The following PCDHA5 variants were observed in gnomAD, a reference collection of about 807,000 sequenced individuals.
PCDHA5 encodes protocadherin alpha-5.
Under a neutral mutation model 61.6 loss-of-function variants are expected in PCDHA5, and 43 were observed. That is an observed-to-expected ratio of 0.70 (90% CI 0.55 to 0.90). PCDHA5 has a LOEUF of 0.90. PCDHA5 is among the 40% of genes least tolerant of loss of function. The pLI is 0.00. For synonymous variants in PCDHA5, 627 were observed against 543.9 expected (o/e 1.15, Z -2.13); for missense variants, 1,298 against 1,222.7 (o/e 1.06, Z -0.92).
intron 1 of PCDHA5, chr5:140,855,996 A>G (rs2150345731): frequency 6.7e-7 from 1 of 1,503,004 alleles, no homozygotes; most frequent in Non-Finnish European, 9.0e-7. Flanking sequence ...GTCAGATCGT[A>G]TGTGCGTTCT....
rs1767597632 is a variant in PCDHA5 at position 140,823,194 on chromosome 5, C to A, written c.1419C>A (p.Ile473=). Reference sequence around the variant, plus strand: ...AGAACAACCCGCCAGGCTGCCACATCTTCACGGTGTCTGCACGGGACGCGG... The same window carrying A: ...AGAACAACCCGCCAGGCTGCCACATATTCACGGTGTCTGCACGGGACGCGG... The part of the protein sequence containing the change: ...VKENNPPGCH[I]FTVSARDADA... The change falls in exon 1 of 4, where the codon ATC becomes ATA. Residue 473 remains isoleucine, a synonymous_variant. Coordinates refer to ENST00000529859, the MANE Select transcript of PCDHA5 (RefSeq NM_018908.3). 6.2e-7 allele frequency: 1 copy of A among 1,613,896 alleles called. No homozygotes were observed. Among genetic ancestry groups the A allele is most frequent in the Non-Finnish European group, 8.5e-7 (1 of 1,179,846 alleles).
chr5:140,929,566 C>A, intron 1 of PCDHA5: 2 of 459,566 alleles, frequency 4.4e-6, no homozygotes, highest in Admixed American at 4.2e-5. Flanking sequence ...TATTTAAGAA[C>A]AATAAAAGTA....
chr5:140,922,647 A>G (rs568444047), intron 1 of PCDHA5, among the ~76,000 whole-genome samples: 35 of 152,262 alleles, frequency 2.3e-4, no homozygotes, highest in Non-Finnish European at 4.6e-4. Context: ...ATCAAACAGT[A>G]AATATGGCTA....
chr5:140,928,084 C>T (rs782346696), intron 1 of PCDHA5: 2 of 1,614,232 alleles, frequency 1.2e-6, no homozygotes, highest in Non-Finnish European at 1.7e-6. Context: ...CTACAGCCTG[C>T]TGATTGATGG....
At chr5:140,905,627 G>A (rs1233983487) in intron 1 of PCDHA5, among the ~76,000 whole-genome samples, 1 of 152,150 alleles carries the variant, frequency 6.6e-6, no homozygotes, top group African/African-American at 2.4e-5. Context: ...GCTTTTGACA[G>A]TATGGTCAGT....
chr5:141,001,360 A>G (rs1432580617), intron 3 of PCDHA5, among the ~76,000 whole-genome samples: 2 of 152,212 alleles, frequency 1.3e-5, no homozygotes, highest in Non-Finnish European at 2.9e-5. Flanking sequence ...GTTTAAGCCT[A>G]CTATTCTGAT....
At chr5:140,830,281 C>A (rs2150184212) in intron 1 of PCDHA5, 1 of 1,613,822 alleles carries the variant, frequency 6.2e-7, no homozygotes, top group Non-Finnish European at 8.5e-7. Flanking sequence ...CCACCGAGGG[C>A]GCGTGCACGG....
chr5:140,881,458 G>C (rs2058720447), intron 1 of PCDHA5: 1 of 671,966 alleles, frequency 1.5e-6, no homozygotes, highest in Non-Finnish European at 1.8e-6. Context: ...CAAAACCTTA[G>C]AGCATTGTTG....
chr5:140,930,766 T>C (rs1476506441), intron 1 of PCDHA5, among the ~76,000 whole-genome samples: 1 of 152,240 alleles, frequency 6.6e-6, no homozygotes, highest in Admixed American at 6.5e-5. Context: ...AAATTTTCTG[T>C]ACTTAATATT....
rs1432987823 is a variant in PCDHA5, at chr5:140,905,869, AAGGCCCAACAAT to A, written c.2353-73074_2353-73063del. ...AAGGAGTATTAACTCACACAATCAC[AAGGCCCAACAAT>A]AGGCCATCTGCAAGCTGAGGAGCAA... On this transcript the variant is annotated intron_variant, in intron 1 of 3. Coordinates refer to ENST00000529859, the MANE Select transcript of PCDHA5 (RefSeq NM_018908.3). 1.1e-4 allele frequency among the ~76,000 whole-genome samples: 17 copies of A among 152,326 alleles called. No individual in the cohort carries two copies. In the South Asian group the frequency reaches 3.5e-3, roughly 32 times the overall value.
intron 1 of PCDHA5, among the ~76,000 whole-genome samples, chr5:140,845,833 T>G (rs1323820046): frequency 2.0e-5 from 3 of 149,812 alleles, no homozygotes; most frequent in Non-Finnish European, 4.5e-5. Context: ...GTTATTACCA[T>G]TCTTAAGAGA....
At position 140,823,434 on chromosome 5, in the gene PCDHA5, C is replaced by G; in HGVS notation, c.1659C>G (p.Phe553Leu). Reference sequence around the variant, plus strand: ...GCAGCAACGTGACGCTGCAGGTGTTCGTGCTGGACGAGAACGACAACGCGC... The same window carrying G: ...GCAGCAACGTGACGCTGCAGGTGTTGGTGCTGGACGAGAACGACAACGCGC... ...PLGSNVTLQV[F>L]VLDENDNAPA... The change falls in exon 1 of 4, where the codon TTC becomes TTG. Residue 553 changes from phenylalanine (F) to leucine (L), a missense_variant. Transcript: ENST00000529859. 1 of 1,613,238 alleles carries G rather than the reference C, an allele frequency of 6.2e-7. No individual in the cohort carries two copies. Among genetic ancestry groups the G allele is most frequent in the South Asian group, 1.1e-5 (1 of 91,052 alleles).
rs2150169954 is a variant in PCDHA5 at position 140,829,555 on chromosome 5, G to C, written c.2352+5428G>C. 7.4e-5 allele frequency: 119 copies of C among 1,612,836 alleles called. No homozygotes were observed. In the East Asian group the frequency reaches 1.6e-3, roughly 21 times the overall value. On this transcript the variant is annotated intron_variant, in intron 1 of 3. Transcript: ENST00000529859. Reference sequence around the variant, plus strand: ...GAGACGCGGACGCGCAGGAGAACGCGCTGGTGTCCTACTCGCTGGTGGAGC... The same window carrying C: ...GAGACGCGGACGCGCAGGAGAACGCCCTGGTGTCCTACTCGCTGGTGGAGC...
rs1330292023 is a variant in PCDHA5, at chr5:140,830,082, C to A, written c.2352+5955C>A. 1.2e-5 allele frequency: 19 copies of A among 1,613,566 alleles called. No homozygotes were observed. Among genetic ancestry groups the A allele is most frequent in the Non-Finnish European group, 1.5e-5 (18 of 1,179,846 alleles). On this transcript the variant is annotated intron_variant, in intron 1 of 3. Transcript: ENST00000529859. ...GAGCCGGCGCTGACAGCGACGGCCACGGTTCTGGTGTCGCTGGTGGAGAGT... is the reference window on the plus strand; with the variant it reads ...GAGCCGGCGCTGACAGCGACGGCCAAGGTTCTGGTGTCGCTGGTGGAGAGT...
intron 1 of PCDHA5, chr5:140,929,486 T>G (rs1258020318): frequency 8.8e-7 from 1 of 1,141,828 alleles, no homozygotes; most frequent in Non-Finnish European, 1.2e-6. Flanking sequence ...TATAGAAGTA[T>G]TAGAAGATTG....
intron 1 of PCDHA5, chr5:140,852,238 A>G: frequency 1.7e-6 from 1 of 575,312 alleles, no homozygotes; most frequent in South Asian, 7.7e-5. Context: ...ATTTTCCCTT[A>G]AAACACACTT....
At chr5:140,928,032 TAGTGC>T (rs782031018) in intron 1 of PCDHA5, 7 of 1,614,216 alleles carry the variant, frequency 4.3e-6, no homozygotes, top group Non-Finnish European at 5.9e-6. Context: ...GTGGCATGTC[TAGTGC>T]AGGCCCTTTT....
chr5:140,829,740 C>T (rs2150173718), intron 1 of PCDHA5: 2 of 1,613,670 alleles, frequency 1.2e-6, no homozygotes, highest in South Asian at 1.1e-5. Context: ...AGCAACGTGA[C>T]GCTGCAGGTG....
intron 1 of PCDHA5, among the ~76,000 whole-genome samples, chr5:140,942,896 C>CT (rs1554215262): frequency 6.6e-6 from 1 of 151,664 alleles, no homozygotes; most frequent in African/African-American, 2.4e-5. Flanking sequence ...AAATTTATCT[C>CT]TAAGAATAAG....
Sources: allele counts gnomAD v4.1 joint callset (sites outside exome capture counted in the v4.1 genomes callset), GRCh38; gene constraint gnomAD v4.1.1; transcripts MANE v1.5; gene names NCBI Gene and HGNC (gene_info 2026-07-23, HGNC 2026-07-21).